Variants in RUSC2 observed in about 807,000 individuals in gnomAD.
RUSC2 encodes AP-4 complex accessory subunit RUSC2.
In RUSC2, 34 loss-of-function variants were observed where a neutral mutation model predicts 122.2. The ratio of observed to expected loss-of-function variants is 0.28; its 90% CI spans 0.21 to 0.37. The LOEUF is 0.37. Among genes scored for constraint, RUSC2 ranks in the 10% least tolerant of loss-of-function variants. RUSC2 has a pLI of 1.00. For missense variants in RUSC2, 1,747 were observed against 1,952.4 expected (o/e 0.89, Z 1.98); for synonymous variants, 784 against 790.0 (o/e 0.99, Z 0.13).
At chr9:35,515,207 G>T (rs1821081020) in intron 1 of RUSC2, among the ~76,000 whole-genome samples, 1 of 150,524 alleles carries the variant, frequency 6.6e-6, no homozygotes, top group African/African-American at 2.5e-5. Context: ...ACGAGGCAAA[G>T]ATTTAACATT....
intron 1 of RUSC2, among the ~76,000 whole-genome samples, chr9:35,516,914 C>T (rs1163565694): frequency 6.6e-6 from 1 of 152,062 alleles, no homozygotes; most frequent in Non-Finnish European, 1.5e-5. Context: ...TTCAAATATT[C>T]TCACCAAAAG....
intron 1 of RUSC2, among the ~76,000 whole-genome samples, chr9:35,500,410 A>G (rs562433767): frequency 3.9e-5 from 6 of 152,340 alleles, no homozygotes; most frequent in Non-Finnish European, 8.8e-5. Context: ...TCCCTCTCAC[A>G]ACACATGGGA....
At position 35,547,562 on chromosome 9, in the gene RUSC2, G is replaced by A. The variant is rs776282427; in HGVS notation, c.1041G>A (p.Gly347=). The stretch of plus-strand genomic sequence containing the variant: ...ACCCTGAAAGTGGAGGAAGGGAAGG[G>A]GGCTATGGTTGCCCTCATGCCTCTT... ...SHHPESGGRE[G]GYGCPHASSP... is the part of the protein sequence containing the mutation. Residue 347 remains glycine (G), a synonymous_variant, in exon 2 of 12, where the codon GGG becomes GGA. Transcript: ENST00000361226. This position sits in a 1 kb window ranked among gnomAD's most constrained non-coding sequence, Gnocchi z 4.6. The A allele has an allele frequency of 1.2e-6, 2 of 1,614,160 alleles. No homozygotes were observed. The highest frequency in any genetic ancestry group is 1.7e-5 in the Admixed American group (1 of 60,028).
In RUSC2 at chr9:35,547,219, C is replaced by T; in HGVS notation, c.698C>T (p.Ser233Leu). ...FSFDQEWKLS[S>L]DESPRNPGCS... ...TTTGACCAGGAATGGAAGCTCAGTT[C>T]AGATGAATCCCCAAGGAACCCTGGA... Residue 233 changes from serine to leucine, a missense_variant, in exon 2 of 12, where the codon TCA becomes TTA. Coordinates refer to ENST00000361226, the MANE Select transcript of RUSC2 (RefSeq NM_014806.5). The surrounding 1 kb of genome is among the most constrained non-coding windows in gnomAD (Gnocchi z 4.6). The T allele has an allele frequency of 6.2e-7, 1 of 1,614,194 alleles. No individual in the cohort carries two copies. Among genetic ancestry groups the T allele is most frequent in the Non-Finnish European group, 8.5e-7 (1 of 1,180,040 alleles).
At chr9:35,545,706 TC>T (rs970867403) in intron 1 of RUSC2, among the ~76,000 whole-genome samples, 8 of 151,940 alleles carry the variant, frequency 5.3e-5, no homozygotes, top group Admixed American at 3.3e-4. Flanking sequence ...TAAAACTAGG[TC>T]CCCCCACCCC....
intron 1 of RUSC2, among the ~76,000 whole-genome samples, chr9:35,545,691 A>T (rs1424661151): frequency 6.6e-6 from 1 of 152,192 alleles, no homozygotes; most frequent in Non-Finnish European, 1.5e-5. Context: ...ATGATACAAA[A>T]GACATAAAAC....
In RUSC2 at chr9:35,558,430, T is replaced by C; in HGVS notation, c.3236-32T>C. ...CTGAATTTAGGGCTCCAGAAATTGG[T>C]CATGTGACCTGCAACCCTGGCTTCC... On this transcript the variant is annotated intron_variant, in intron 7 of 11. Coordinates refer to ENST00000361226, the MANE Select transcript of RUSC2 (RefSeq NM_014806.5). This position sits in a 1 kb window ranked among gnomAD's most constrained non-coding sequence, Gnocchi z 4.3. The C allele has an allele frequency of 6.2e-7, 1 of 1,613,886 alleles. No individual in the cohort carries two copies. Among genetic ancestry groups the C allele is most frequent in the Non-Finnish European group, 8.5e-7 (1 of 1,179,872 alleles).
Position 35,547,548 on chromosome 9 carries a change from G to A in RUSC2, c.1027G>A (p.Gly343Arg). 2 of 1,614,162 alleles carry A rather than the reference G, an allele frequency of 1.2e-6. No individual in the cohort carries two copies. The highest frequency in any genetic ancestry group is 1.7e-5 in the Admixed American group (1 of 60,018). Reference sequence around the variant, plus strand: ...TTATGAGTCCCATCACCCTGAAAGTGGAGGAAGGGAAGGGGGCTATGGTTG... The same window carrying A: ...TTATGAGTCCCATCACCCTGAAAGTAGAGGAAGGGAAGGGGGCTATGGTTG... ...MSYESHHPES[G>R]GREGGYGCPH... Residue 343 changes from glycine to arginine, a missense_variant, in exon 2 of 12, where the codon GGA (glycine) becomes AGA (arginine). Coordinates refer to ENST00000361226, the MANE Select transcript of RUSC2 (RefSeq NM_014806.5). This position sits in a 1 kb window ranked among gnomAD's most constrained non-coding sequence, Gnocchi z 4.6.
At chr9:35,541,009 TA>T (rs1821632450) in intron 1 of RUSC2, among the ~76,000 whole-genome samples, 1 of 152,188 alleles carries the variant, frequency 6.6e-6, no homozygotes, top group South Asian at 2.1e-4. Flanking sequence ...TAATGGCACA[TA>T]AGTGTTTAAT....
chr9:35,550,328 AGTG>A (rs1259849912), intron 2 of RUSC2, among the ~76,000 whole-genome samples: 2 of 150,208 alleles, frequency 1.3e-5, no homozygotes, highest in Non-Finnish European at 3.0e-5. Flanking sequence ...TTGGAATAAA[AGTG>A]GTAGCTGGCA....
chr9:35,558,327 G>A lies in RUSC2; in HGVS notation c.3191G>A (p.Arg1064His), dbSNP rs533755060. 1.8e-5 allele frequency: 29 copies of A among 1,614,170 alleles called. No individual in the cohort carries two copies. The highest frequency in any genetic ancestry group is 1.5e-4 in the South Asian group (14 of 91,084). The change falls in exon 7 of 12, where the codon CGT becomes CAT. Residue 1064 changes from arginine (R) to histidine (H), a missense_variant. Transcript: ENST00000361226. The surrounding 1 kb of genome is among the most constrained non-coding windows in gnomAD (Gnocchi z 4.3). ...GTACTGGACGTCATCATCGGGCAGC[G>A]TAAGAACATGCCATGGAGTGTGGTT... ...AFVLDVIIGQRKNMPWSVVEA... is the reference protein window; with the variant it reads ...AFVLDVIIGQHKNMPWSVVEA...
chr9:35,514,300 T>C (rs1183144994), intron 1 of RUSC2, among the ~76,000 whole-genome samples: 1 of 152,042 alleles, frequency 6.6e-6, no homozygotes, highest in African/African-American at 2.4e-5. Context: ...AAAGGATGAT[T>C]AGGAGTTAGA....
rs1218920380 is a variant in RUSC2, at chr9:35,555,142, C to T, written c.2097C>T (p.Phe699=). ...PTTLPIQPFV[F]QHHFPKQLAK... ...CACTGCCCATCCAGCCCTTCGTGTTCCAGCACCACTTCCCCAAGCAGCTGG... is the reference window on the plus strand; with the variant it reads ...CACTGCCCATCCAGCCCTTCGTGTTTCAGCACCACTTCCCCAAGCAGCTGG... Residue 699 remains phenylalanine, a synonymous_variant, in exon 3 of 12, where the codon TTC becomes TTT. Transcript: ENST00000361226. This position sits in a 1 kb window ranked among gnomAD's most constrained non-coding sequence, Gnocchi z 4.6. The T allele has an allele frequency of 6.2e-7, 1 of 1,613,894 alleles. No individual in the cohort carries two copies. Among genetic ancestry groups the T allele is most frequent in the African/African-American group, 1.3e-5 (1 of 75,050 alleles).
chr9:35,555,101 G>C lies in RUSC2; in HGVS notation c.2056G>C (p.Glu686Gln), dbSNP rs1172057146. 6.2e-7 allele frequency: 1 copy of C among 1,613,454 alleles called. No individual in the cohort carries two copies. The highest frequency in any genetic ancestry group is 8.5e-7 in the Non-Finnish European group (1 of 1,180,016). Reference sequence around the variant, plus strand: ...CCGACCAGTCCTTCGCTACAGCAAGGAACAGAGGCCAACCACACTGCCCAT... The same window carrying C: ...CCGACCAGTCCTTCGCTACAGCAAGCAACAGAGGCCAACCACACTGCCCAT... ...ESRPVLRYSK[E>Q]QRPTTLPIQP... Residue 686 changes from glutamate to glutamine, a missense_variant, in exon 3 of 12, where the codon GAA becomes CAA. By Grantham distance (29) the Glu-to-Gln change is conservative. Transcript: ENST00000361226. The surrounding 1 kb of genome is among the most constrained non-coding windows in gnomAD (Gnocchi z 4.6).
chr9:35,499,079 G>T (rs1391450197), intron 1 of RUSC2, among the ~76,000 whole-genome samples: 1 of 152,136 alleles, frequency 6.6e-6, no homozygotes, highest in African/African-American at 2.4e-5. Context: ...TTGAGGCCAG[G>T]AGTTCAAGAC....
intron 2 of RUSC2, among the ~76,000 whole-genome samples, chr9:35,554,039 A>G (rs528023897): frequency 6.6e-6 from 1 of 152,194 alleles, no homozygotes; most frequent in Non-Finnish European, 1.5e-5. Flanking sequence ...ATTTCCTAAT[A>G]TGTCAAGTAA....
At chr9:35,492,282 T>A (rs547670978) in intron 1 of RUSC2, among the ~76,000 whole-genome samples, 52 of 152,294 alleles carry the variant, frequency 3.4e-4, no homozygotes, top group Non-Finnish European at 5.0e-4. Flanking sequence ...TTATGTGTTC[T>A]ATTTTTCTCT....
At chr9:35,524,578 G>GT (rs1255121043) in intron 1 of RUSC2, among the ~76,000 whole-genome samples, 2 of 152,128 alleles carry the variant, frequency 1.3e-5, no homozygotes, top group Non-Finnish European at 2.9e-5. Context: ...CATGTGTTGG[G>GT]TTTTGTCTTG....
At chr9:35,503,649 T>C (rs549174101) in intron 1 of RUSC2, among the ~76,000 whole-genome samples, 1 of 152,308 alleles carries the variant, frequency 6.6e-6, no homozygotes, top group East Asian at 1.9e-4. Context: ...CAAATGGTAG[T>C]TGTACTTTCA....
Sources: gnomAD v4.1 joint callset for allele counts (sites outside exome capture counted in the v4.1 genomes callset) on GRCh38, gnomAD v4.1.1 for gene constraint, Gnocchi (gnomAD v3.1) non-coding constraint, MANE v1.5 for transcripts, NCBI Gene and HGNC (gene_info 2026-07-23, HGNC 2026-07-21) for gene names.